The following PCDHGA3 variants were observed in gnomAD, a reference collection of about 807,000 sequenced individuals.
PCDHGA3 encodes the protein protocadherin gamma subfamily A, 3.
Under a neutral mutation model 58.5 loss-of-function variants are expected in PCDHGA3, and 40 were observed. The observed-to-expected ratio is 0.68, with a 90% confidence interval of 0.53 to 0.89. The LOEUF is 0.89. Ranked by LOEUF, PCDHGA3 falls within the 40% of genes least tolerant of loss-of-function variation. The probability of loss-of-function intolerance (pLI) is 0.00; values close to 1 mark genes in which losing one functional copy is unlikely to be tolerated. For missense variants in PCDHGA3, 1,223 were observed against 1,195.9 expected, an observed-to-expected ratio of 1.02 and a Z score of -0.33; for synonymous variants, 530 against 525.7, an observed-to-expected ratio of 1.01 and a Z score of -0.11.
At chr5:141,420,527 G>T (rs368419425) in intron 1 of PCDHGA3, 3 of 349,150 alleles carry the variant, frequency 8.6e-6, no homozygotes, top group Non-Finnish European at 1.5e-5. Flanking sequence ...ATACCTTTCG[G>T]TTAAAAATAT....
intron 1 of PCDHGA3, among the ~76,000 whole-genome samples, chr5:141,463,797 T>C (rs58523023): frequency 0.28 from 42,459 of 152,012 alleles, 6,656 homozygotes; most frequent in African/African-American, 0.43. Flanking sequence ...TGAACAAATG[T>C]CTAAAAGCTT....
chr5:141,470,986 G>T (rs1215610104), intron 1 of PCDHGA3, among the ~76,000 whole-genome samples: 1 of 151,540 alleles, frequency 6.6e-6, no homozygotes, highest in Non-Finnish European at 1.5e-5. Flanking sequence ...CAAAGTGCTG[G>T]GACTACAGGC....
intron 1 of PCDHGA3, among the ~76,000 whole-genome samples, chr5:141,407,316 GTATTTATAAA>G (rs2094915018): frequency 6.6e-6 from 1 of 152,094 alleles, no homozygotes; most frequent in Non-Finnish European, 1.5e-5. Flanking sequence ...TTCATACTTA[GTATTTATAAA>G]TATTGAAATG....
In PCDHGA3 at chr5:141,433,837, CA is replaced by C. The variant is rs56191208; in HGVS notation, c.2425-60952del. ...GGGCAACAAGAGTGAAACTCTATCT[CA>C]AAAAAAAAAAAAAAAAACTTTATCC... On this transcript the variant is annotated intron_variant, in intron 1 of 3. Coordinates refer to ENST00000253812, the MANE Select transcript of PCDHGA3 (RefSeq NM_018916.4). Among the ~76,000 whole-genome samples, 895 of 111,670 alleles carry C rather than the reference CA, an allele frequency of 8.0e-3. 6 individuals carry two copies. Among genetic ancestry groups the C allele is most frequent in the South Asian group, 0.02 (67 of 3,288 alleles). The allele number at this position is 111,670 out of a possible 152,430, so 73.3% of individuals were successfully genotyped here. A position where few individuals can be genotyped will look rare whatever the true frequency, so the allele number is the denominator to read the frequency against.
At chr5:141,390,177 C>A in intron 1 of PCDHGA3, 1 of 1,613,986 alleles carries the variant, frequency 6.2e-7, no homozygotes, top group Non-Finnish European at 8.5e-7. Context: ...GTTTAATTTC[C>A]TAAAATGTAG....
In PCDHGA3 at chr5:141,383,778, T is replaced by C. The variant is rs764919264; in HGVS notation, c.2424+37321T>C. 5 of 1,613,886 alleles carry C rather than the reference T, an allele frequency of 3.1e-6. No individual in the cohort carries two copies. In the African/African-American group the frequency reaches 6.7e-5, roughly 22 times the overall value. ...CTCCTAAACTTCCAAAGATGTTTCA[T>C]CTGAACTCGCTTACAGGAGAAATAT... On this transcript the variant is annotated intron_variant, in intron 1 of 3. Coordinates refer to ENST00000253812, the MANE Select transcript of PCDHGA3 (RefSeq NM_018916.4).
chr5:141,428,423 G>C (rs939814279), intron 1 of PCDHGA3: 1 of 440,550 alleles, frequency 2.3e-6, no homozygotes, highest in Non-Finnish European at 4.3e-6. Flanking sequence ...CCTGGTCTCT[G>C]TTCTAAGACT....
chr5:141,415,761 T>A (rs1047830043), intron 1 of PCDHGA3: 2 of 1,399,648 alleles, frequency 1.4e-6, no homozygotes, highest in African/African-American at 3.0e-5. Context: ...TTTTTTTTTT[T>A]TTTTTTTTTT....
Position 141,343,885 on chromosome 5 carries a change from G to A in PCDHGA3, c.-149G>A. On this transcript the variant is annotated 5_prime_UTR_variant, in exon 1 of 4. Transcript: ENST00000253812. ...CAGCAAATCAGACTCAGAAGATCCG[G>A]GGCGGCTGCCAACCTCACCTCTTAG... is the stretch of plus-strand genomic sequence containing the variant. 1 of 650,068 alleles carries A rather than the reference G, an allele frequency of 1.5e-6. No individual in the cohort carries two copies. Among genetic ancestry groups the A allele is most frequent in the Admixed American group, 3.2e-5 (1 of 31,212 alleles). The allele number at this position is 650,068 out of a possible 1,614,324, so 40.3% of individuals were successfully genotyped here.
intron 1 of PCDHGA3, chr5:141,357,170 C>G: frequency 6.2e-7 from 1 of 1,613,716 alleles, no homozygotes; most frequent in South Asian, 1.1e-5. Context: ...CTCTCGGCCA[C>G]CGTCACACTC....
chr5:141,404,387 C>A, intron 1 of PCDHGA3: 1 of 1,613,874 alleles, frequency 6.2e-7, no homozygotes, highest in Non-Finnish European at 8.5e-7. Context: ...TGCCTATGAC[C>A]CTGATAGCAA....
intron 1 of PCDHGA3, among the ~76,000 whole-genome samples, chr5:141,437,364 T>G (rs1026384836): frequency 6.6e-6 from 1 of 152,232 alleles, no homozygotes; most frequent in Non-Finnish European, 1.5e-5. Context: ...AAAATTGGAA[T>G]GTAATCAGTC....
chr5:141,389,481 C>T (rs372276550), intron 1 of PCDHGA3: 5 of 1,612,962 alleles, frequency 3.1e-6, no homozygotes, highest in African/African-American at 1.3e-5. Context: ...ACTGCAGGCC[C>T]GCGACCAGGG....
chr5:141,444,524 A>G (rs563709940), intron 1 of PCDHGA3, among the ~76,000 whole-genome samples: 47 of 152,224 alleles, frequency 3.1e-4, no homozygotes, highest in African/African-American at 1.1e-3. Context: ...AGTAGGTGAG[A>G]CAGTGACTGT....
chr5:141,410,255 C>T (rs758117248), intron 1 of PCDHGA3: 26 of 1,614,030 alleles, frequency 1.6e-5, no homozygotes, highest in Non-Finnish European at 1.9e-5. Flanking sequence ...CTCTGACCCC[C>T]AGGCTGAACT....
chr5:141,379,773 T>C (rs575153200), intron 1 of PCDHGA3: 2 of 152,144 alleles, frequency 1.3e-5, no homozygotes, highest in South Asian at 2.1e-4. Flanking sequence ...ATACAGATCA[T>C]TAATAATAAG....
At chr5:141,362,612 G>T (rs774081313) in intron 1 of PCDHGA3, 1 of 1,553,624 alleles carries the variant, frequency 6.4e-7, no homozygotes, top group Admixed American at 1.9e-5. Flanking sequence ...CCTAATTTGG[G>T]TAGGAAGTTC....
At chr5:141,371,313 C>A in intron 1 of PCDHGA3, 2 of 1,613,964 alleles carry the variant, frequency 1.2e-6, no homozygotes, top group South Asian at 1.1e-5. Flanking sequence ...TATTGGAGAA[C>A]TGGACTTTGA....
intron 1 of PCDHGA3, chr5:141,362,013 G>T (rs781020540): frequency 6.2e-7 from 1 of 1,606,178 alleles, no homozygotes; most frequent in South Asian, 1.1e-5. Context: ...CGGGTGAGGT[G>T]CGCACAGCGC....
Sources: gnomAD v4.1 joint callset for allele counts (sites outside exome capture counted in the v4.1 genomes callset) on GRCh38, gnomAD v4.1.1 for gene constraint, MANE v1.5 for transcripts, NCBI Gene and HGNC (gene_info 2026-07-23, HGNC 2026-07-21) for gene names.